VAV2: variants seen among roughly 807,000 people sequenced by gnomAD.
The protein encoded by VAV2 is guanine nucleotide exchange factor VAV2.
Under a neutral mutation model 132.5 loss-of-function variants are expected in VAV2, and 67 were observed. That is an observed-to-expected ratio of 0.51 (90% CI 0.42 to 0.62). VAV2 has a LOEUF of 0.62. VAV2 is among the 20% of genes least tolerant of loss of function. The pLI is 0.00. For synonymous variants in VAV2, 492 were observed against 443.5 expected (o/e 1.11, Z -1.37); for missense variants, 938 against 1,153.6 (o/e 0.81, Z 2.71).
chr9:133,906,055 G>T (rs533465641), intron 2 of VAV2, among the ~76,000 whole-genome samples: 1 of 152,206 alleles, frequency 6.6e-6, no homozygotes, highest in South Asian at 2.1e-4. Context: ...TACAAAAAAA[G>T]AAAGAGGTTC....
rs113843108 is a variant in VAV2, at chr9:133,987,717, T to C, written c.204+4358A>G. 2.5e-3 allele frequency among the ~76,000 whole-genome samples: 386 copies of C among 152,342 alleles called. 2 individuals are homozygous for C. The highest frequency in any genetic ancestry group is 9.0e-3 in the African/African-American group (373 of 41,560). On this transcript the variant is annotated intron_variant, in intron 1 of 29. Coordinates refer to ENST00000371850, the MANE Select transcript of VAV2 (RefSeq NM_001134398.2). ...GTGGTACCTTAAGGGTGCAAACTGC[T>C]GATGCTGGCACAGGCAACCTCGGGA...
In VAV2 at chr9:133,944,296, A is replaced by C. The variant is rs190412328; in HGVS notation, c.205-5077T>G. On this transcript the variant is annotated intron_variant, in intron 1 of 29. Coordinates refer to ENST00000371850, the MANE Select transcript of VAV2 (RefSeq NM_001134398.2). ...CACCGGCAGTGCTGGAGTGGGAAAC[A>C]GGACAGGCCTGCCTCGCCCTCCAGA... Among the ~76,000 whole-genome samples, 769 of 152,214 alleles carry C rather than the reference A, an allele frequency of 5.1e-3. 3 individuals carry two copies. Among genetic ancestry groups the C allele is most frequent in the African/African-American group, 0.015 (630 of 41,514 alleles).
At chr9:133,774,890 C>T (rs377265505) in intron 25 of VAV2, 45 bp downstream of exon 25, 66 of 1,544,436 alleles carry the variant, frequency 4.3e-5, no homozygotes, top group East Asian at 2.0e-4. Flanking sequence ...CACTTCAGAA[C>T]GGCATTGGGG....
At chr9:133,859,624 A>C (rs1015448138) in intron 3 of VAV2, among the ~76,000 whole-genome samples, 4 of 152,200 alleles carry the variant, frequency 2.6e-5, no homozygotes, top group East Asian at 3.9e-4. Context: ...AATATGTAAA[A>C]AAAACAAAAC....
Position 133,907,355 on chromosome 9 carries a change from G to A in VAV2, c.321+31748C>T, listed in dbSNP as rs569190849. Among the ~76,000 whole-genome samples, 104 of 152,270 alleles carry A rather than the reference G, an allele frequency of 6.8e-4. 1 individual carries two copies. Among genetic ancestry groups the A allele is most frequent in the African/African-American group, 2.1e-3 (89 of 41,548 alleles). ...CTCCCCAAGGCCCCTCCCGGATGCC[G>A]GTCACTCCATCCCATCACGGTTCAA... is the stretch of plus-strand genomic sequence containing the variant. On this transcript the variant is annotated intron_variant, in intron 2 of 29. Coordinates refer to ENST00000371850, the MANE Select transcript of VAV2 (RefSeq NM_001134398.2).
Position 133,912,220 on chromosome 9 carries a change from A to C in VAV2, c.321+26883T>G, listed in dbSNP as rs933184622. ...AACACACGTGGGAGAAGGGCTGACA[A>C]CCAGGAGTGTTTTAGTACAAAACAG... On this transcript the variant is annotated intron_variant, in intron 2 of 29. Coordinates refer to ENST00000371850, the MANE Select transcript of VAV2 (RefSeq NM_001134398.2). This position sits in a 1 kb window ranked among gnomAD's most constrained non-coding sequence, Gnocchi z 4.3. 6.6e-5 allele frequency among the ~76,000 whole-genome samples: 10 copies of C among 152,312 alleles called. No homozygotes were observed. The highest frequency in any genetic ancestry group is 2.4e-4 in the African/African-American group (10 of 41,566).
chr9:133,827,186 G>C (rs1836027528), intron 4 of VAV2, among the ~76,000 whole-genome samples: 1 of 150,604 alleles, frequency 6.6e-6, no homozygotes, highest in African/African-American at 2.5e-5. Flanking sequence ...TGCGCCCACT[G>C]GGGCTGACCA....
chr9:133,985,374 C>T (rs1320893961), intron 1 of VAV2, among the ~76,000 whole-genome samples: 6 of 152,074 alleles, frequency 3.9e-5, no homozygotes, highest in South Asian at 2.1e-4. Context: ...CTCCGCCTTC[C>T]GGGTTCAAGC....
chr9:133,923,117 G>A (rs551761193), intron 2 of VAV2, among the ~76,000 whole-genome samples: 5 of 152,186 alleles, frequency 3.3e-5, no homozygotes, highest in African/African-American at 1.2e-4. Context: ...AATCATTCGG[G>A]GATACAAAGC....
At chr9:133,872,513 G>C (rs1838097229) in intron 2 of VAV2, among the ~76,000 whole-genome samples, 1 of 146,406 alleles carries the variant, frequency 6.8e-6, no homozygotes, top group South Asian at 2.1e-4. Flanking sequence ...TCCTCGGCTT[G>C]AAGGGTCGGG....
At chr9:133,858,333 C>T (rs984049870) in intron 3 of VAV2, among the ~76,000 whole-genome samples, 1 of 152,200 alleles carries the variant, frequency 6.6e-6, no homozygotes, top group Non-Finnish European at 1.5e-5. Flanking sequence ...AGTGAGGACC[C>T]GCACTCCAGG....
chr9:133,964,031 A>ATATG (rs1554819008), intron 1 of VAV2, among the ~76,000 whole-genome samples: 1 of 95,004 alleles, frequency 1.1e-5, no homozygotes, highest in Non-Finnish European at 2.4e-5. Context: ...TCATATATAT[A>ATATG]TATATATATA....
At chr9:133,860,028 C>T (rs1010355576) in intron 3 of VAV2, among the ~76,000 whole-genome samples, 1 of 152,150 alleles carries the variant, frequency 6.6e-6, no homozygotes, top group Non-Finnish European at 1.5e-5. Context: ...CATGGCCGGG[C>T]GAGGTGGCTC....
chr9:133,955,418 C>T (rs1203680544), intron 1 of VAV2, among the ~76,000 whole-genome samples: 1 of 135,854 alleles, frequency 7.4e-6, no homozygotes, highest in Non-Finnish European at 1.6e-5. Flanking sequence ...CACTCCTCCC[C>T]ACCCCCCTGC....
chr9:133,903,483 G>C (rs1047549853), intron 2 of VAV2, among the ~76,000 whole-genome samples: 6 of 152,188 alleles, frequency 3.9e-5, no homozygotes, highest in African/African-American at 1.4e-4. Context: ...AATCCCGGGA[G>C]ATGTGACGGC....
chr9:133,805,274 A>C (rs1274345170), intron 9 of VAV2, among the ~76,000 whole-genome samples: 1 of 152,104 alleles, frequency 6.6e-6, no homozygotes, highest in Non-Finnish European at 1.5e-5. Context: ...GACCCTTCCA[A>C]GAGTGGACCC....
At chr9:133,906,861 C>T (rs1839675929) in intron 2 of VAV2, among the ~76,000 whole-genome samples, 1 of 152,218 alleles carries the variant, frequency 6.6e-6, no homozygotes, top group Non-Finnish European at 1.5e-5. Flanking sequence ...GGGGGCCACT[C>T]AAGTCACTGC....
At chr9:133,819,240 C>A (rs1329712929) in intron 4 of VAV2, among the ~76,000 whole-genome samples, 4 of 151,612 alleles carry the variant, frequency 2.6e-5, no homozygotes, top group Non-Finnish European at 5.9e-5. Flanking sequence ...GTCAGGAGAT[C>A]GAGACCATCC....
intron 2 of VAV2, 132 bp downstream of exon 2, chr9:133,938,971 G>A (rs1841029216): frequency 2.4e-6 from 2 of 828,026 alleles, no homozygotes; most frequent in Admixed American, 3.8e-5. Context: ...TCCCGGACAT[G>A]AGGGTGCAGA....
Sources: allele counts gnomAD v4.1 joint callset (sites outside exome capture counted in the v4.1 genomes callset), GRCh38; gene constraint gnomAD v4.1.1; non-coding constraint Gnocchi (gnomAD v3.1); transcripts MANE v1.5; gene names NCBI Gene and HGNC (gene_info 2026-07-23, HGNC 2026-07-21).